The following CFAP92 variants were observed in gnomAD, a reference collection of about 807,000 sequenced individuals.
CFAP92 encodes uncharacterized protein CFAP92.
In CFAP92, 86 loss-of-function variants were observed where a neutral mutation model predicts 106.3. The observed-to-expected ratio is 0.81, with a 90% CI of 0.68 to 0.97. The LOEUF (loss-of-function observed/expected upper bound fraction) is 0.97, where lower values mean the gene tolerates loss of function less well. CFAP92 is among the 50% of genes least tolerant of loss of function. CFAP92 has a pLI of 0.00. For missense variants in CFAP92, 1,204 were observed against 1,283.8 expected, an observed-to-expected ratio of 0.94 and a Z score of 0.95; for synonymous variants, 477 against 506.4, an observed-to-expected ratio of 0.94 and a Z score of 0.78.
At chr3:128,985,295 T>C (rs934064627) in intron 4 of CFAP92, among the ~76,000 whole-genome samples, 1 of 152,092 alleles carries the variant, frequency 6.6e-6, no homozygotes, top group Non-Finnish European at 1.5e-5. Context: ...TCAATCTCTA[T>C]AAAAGATAAA....
At chr3:128,963,611 ACCCCATTT>A (rs1942125452) in intron 9 of CFAP92, among the ~76,000 whole-genome samples, 1 of 148,696 alleles carries the variant, frequency 6.7e-6, no homozygotes, top group Non-Finnish European at 1.5e-5. Context: ...CCTGATATTC[ACCCCATTT>A]CCCCATATTT....
At position 128,915,225 on chromosome 3, in the gene CFAP92, A is replaced by G; in HGVS notation, c.3174T>C (p.Asp1058=). ...GCCTGTCCCAGCTCCACCTGTCTCG[A>G]TCCAACACAGGCTCCAGTACATTAG... ...LFANVLEPVL[D]RDRWSWDRHH... Residue 1058 remains aspartate (D), a synonymous_variant, in exon 15 of 16, where the codon GAT becomes GAC. Transcript: ENST00000645291. The G allele has an allele frequency of 6.5e-7, 1 of 1,536,112 alleles. No homozygotes were observed. The highest frequency in any genetic ancestry group is 1.7e-4 in the Middle Eastern group (1 of 5,990).
chr3:128,925,515 A>G (rs1334822989), intron 12 of CFAP92, among the ~76,000 whole-genome samples: 1 of 152,158 alleles, frequency 6.6e-6, no homozygotes, highest in Non-Finnish European at 1.5e-5. Flanking sequence ...TGAAAAGGAG[A>G]AAAAAAGACT....
intron 3 of CFAP92, 41 bp from the exon 4 acceptor site, chr3:128,987,870 T>C (rs780480825): frequency 1.7e-5 from 26 of 1,535,322 alleles, no homozygotes; most frequent in South Asian, 2.4e-5. Context: ...TGGGGAAAGA[T>C]GTGCAAAGGC....
rs541144425 is a variant in CFAP92 at position 128,978,661 on chromosome 3, A to T, written c.668-476T>A. Among the ~76,000 whole-genome samples, 167 of 152,276 alleles carry T rather than the reference A, an allele frequency of 1.1e-3. 1 individual carries two copies. The highest frequency in any genetic ancestry group is 3.9e-3 in the African/African-American group (163 of 41,556). ...TCAGAAATAATACCACACATCTACA[A>T]CTATCTGATCTTTGACAAACCTGAC... On this transcript the variant is annotated intron_variant, in intron 4 of 15. Coordinates refer to ENST00000645291, the MANE Select transcript of CFAP92 (RefSeq NM_001394090.1).
intron 8 of CFAP92, 54 bp downstream of exon 8, chr3:128,971,233 G>A (rs200117937): frequency 5.7e-5 from 92 of 1,612,040 alleles, no homozygotes; most frequent in Non-Finnish European, 7.3e-5. Flanking sequence ...GCTTATGGCC[G>A]TTCTGGCCAC....
At chr3:129,002,550 C>T in intron 1 of CFAP92, 1 of 865,604 alleles carries the variant, frequency 1.2e-6, no homozygotes, top group Non-Finnish European at 1.6e-6. Context: ...CCTGAAAACC[C>T]CAATCACACT....
At chr3:128,956,375 A>G (rs1347171628) in intron 9 of CFAP92, among the ~76,000 whole-genome samples, 1 of 151,856 alleles carries the variant, frequency 6.6e-6, no homozygotes, top group Non-Finnish European at 1.5e-5. Flanking sequence ...AGGAGAGGAG[A>G]AAAAAGGTGG....
At chr3:129,005,002 G>T (rs888137190), upstream of CFAP92, among the ~76,000 whole-genome samples, 1 of 152,176 alleles carries the variant, frequency 6.6e-6, no homozygotes, top group African/African-American at 2.4e-5. Context: ...GGTCCTGCCT[G>T]GCACATGGTA....
At chr3:128,920,460 C>T (rs991093611) in intron 12 of CFAP92, among the ~76,000 whole-genome samples, 1 of 152,118 alleles carries the variant, frequency 6.6e-6, no homozygotes, top group Non-Finnish European at 1.5e-5. Flanking sequence ...ATGAGAATTT[C>T]ACCAGACACC....
chr3:128,925,698 CA>C (rs1937596908), intron 12 of CFAP92, among the ~76,000 whole-genome samples: 1 of 152,102 alleles, frequency 6.6e-6, no homozygotes, highest in African/African-American at 2.4e-5. Context: ...ACAGATTTAA[CA>C]AGTTCTAGAA....
Position 128,910,193 on chromosome 3 carries a change from T to C in CFAP92, c.*106A>G. 6.2e-7 allele frequency: 1 copy of C among 1,613,004 alleles called. No individual in the cohort carries two copies. Among genetic ancestry groups the C allele is most frequent in the Non-Finnish European group, 8.5e-7 (1 of 1,179,816 alleles). The stretch of plus-strand genomic sequence containing the variant: ...CACACAGGGCCTGGCTGCTGCCATC[T>C]GTCCTGCTGCACTTTAATGAAGTTG... On this transcript the variant is annotated 3_prime_UTR_variant, in exon 16 of 16. Coordinates refer to ENST00000645291, the MANE Select transcript of CFAP92 (RefSeq NM_001394090.1).
chr3:128,963,649 C>T (rs1182666906), intron 9 of CFAP92, among the ~76,000 whole-genome samples: 1 of 150,376 alleles, frequency 6.6e-6, no homozygotes, highest in African/African-American at 2.5e-5. Context: ...CTGTTCCTCA[C>T]CCTGATCACG....
At chr3:128,983,950 G>C (rs1407995711) in intron 4 of CFAP92, among the ~76,000 whole-genome samples, 5 of 152,234 alleles carry the variant, frequency 3.3e-5, no homozygotes, top group Non-Finnish European at 7.3e-5. Context: ...AGAAAGGCCA[G>C]GCCGGCAGGA....
intron 8 of CFAP92, chr3:128,969,736 T>C (rs1372720613): frequency 2.0e-5 from 3 of 152,194 alleles, no homozygotes; most frequent in East Asian, 1.9e-4. Context: ...GGGTTCCTCC[T>C]TGGGACTGTA....
intron 12 of CFAP92, among the ~76,000 whole-genome samples, chr3:128,916,861 A>T (rs773184205): frequency 1.5e-4 from 23 of 152,248 alleles, no homozygotes; most frequent in Admixed American, 6.5e-5. Context: ...GAGAACTGGG[A>T]AAGTTACCAC....
chr3:128,990,696 G>C (rs1944158182), intron 2 of CFAP92, among the ~76,000 whole-genome samples: 1 of 151,730 alleles, frequency 6.6e-6, no homozygotes, highest in African/African-American at 2.4e-5. Context: ...AGGAGTTCAA[G>C]ACCGGCCTGA....
intron 7 of CFAP92, among the ~76,000 whole-genome samples, chr3:128,975,226 T>C (rs1346475133): frequency 6.6e-6 from 1 of 152,226 alleles, no homozygotes. Context: ...ACCACGTACC[T>C]ACCCATACCA....
chr3:128,981,327 C>T (rs1010922552), intron 4 of CFAP92, among the ~76,000 whole-genome samples: 2 of 151,340 alleles, frequency 1.3e-5, no homozygotes, highest in South Asian at 2.1e-4. Context: ...TGAGCCACCG[C>T]GCCTGGCCTT....
Sources: gnomAD v4.1 joint callset for allele counts (sites outside exome capture counted in the v4.1 genomes callset) on GRCh38, gnomAD v4.1.1 for gene constraint, MANE v1.5 for transcripts, NCBI Gene and HGNC (gene_info 2026-07-23, HGNC 2026-07-21) for gene names.